CD177: variants seen among roughly 807,000 people sequenced by gnomAD.
The protein encoded by CD177 is CD177 molecule, also known as CD177 antigen.
A neutral mutation model predicts 38.1 loss-of-function variants in CD177; 41 were observed. The observed-to-expected ratio is 1.07, with a 90% CI of 0.84 to 1.39. The LOEUF (loss-of-function observed/expected upper bound fraction) is 1.39. CD177 is among the 40% of genes most tolerant of loss of function. CD177 has a pLI of 0.00. For missense variants in CD177, 619 were observed against 523.8 expected, an observed-to-expected ratio of 1.18 and a Z score of -1.77; for synonymous variants, 236 against 216.7, an observed-to-expected ratio of 1.09 and a Z score of -0.78.
At chr19:43,355,868 G>A in intron 4 of CD177, 85 bp downstream of exon 4, 2 of 1,583,924 alleles carry the variant, frequency 1.3e-6, no homozygotes, top group Non-Finnish European at 1.7e-6. Flanking sequence ...AGTGAGGTGA[G>A]CTGAGGCACG....
Position 43,362,528 on chromosome 19 carries a change from C to A in CD177, c.*208C>A, listed in dbSNP as rs138190417. 2 of 465,182 alleles carry A rather than the reference C, an allele frequency of 4.3e-6. No individual in the cohort carries two copies. The highest frequency in any genetic ancestry group is 7.6e-6 in the Non-Finnish European group (2 of 262,578). The allele number at this position is 465,182 out of a possible 1,614,324, so 28.8% of individuals were successfully genotyped here. On this transcript the variant is annotated 3_prime_UTR_variant, in exon 9 of 9. Transcript: ENST00000618265. ...CGGACTTGCCCTATGGGAGAGGGGA[C>A]GCTGGAGGAGTGGCTGCATGTATCT...
In CD177 at chr19:43,360,197, C is replaced by G. The variant is rs553612533; in HGVS notation, c.620-68C>G. ...TCAAGAGTGTGATCACCTTCCCTAG[C>G]CCAGGACGTGGAGGGACAGACATGG... On this transcript the variant is annotated intron_variant, in intron 5 of 8. Coordinates refer to ENST00000618265, the MANE Select transcript of CD177 (RefSeq NM_020406.4). The G allele has an allele frequency of 2.6e-6, 4 of 1,558,014 alleles. No individual in the cohort carries two copies. The South Asian group carries it at 4.8e-5, about 19-fold the overall frequency.
rs192304328 is a variant in CD177, at chr19:43,363,153, A to G, written c.*833A>G. 1 of 152,328 alleles carries G rather than the reference A, an allele frequency of 6.6e-6. No homozygotes were observed. The highest frequency in any genetic ancestry group is 1.9e-4 in the East Asian group (1 of 5,180). The allele number at this position is 152,328 out of a possible 1,614,324, so 9.4% of individuals were successfully genotyped here. ...CATAGAAAAGGTACAGCATAAATACACTATTGTCATCTCAGCAGACCACCG... is the reference window on the plus strand; with the variant it reads ...CATAGAAAAGGTACAGCATAAATACGCTATTGTCATCTCAGCAGACCACCG... On this transcript the variant is annotated 3_prime_UTR_variant, in exon 9 of 9. Coordinates refer to ENST00000618265, the MANE Select transcript of CD177 (RefSeq NM_020406.4).
At chr19:43,353,816 G>C in intron 1 of CD177, 37 bp from the exon 2 acceptor site, 3 of 1,613,724 alleles carry the variant, frequency 1.9e-6, no homozygotes, top group Non-Finnish European at 2.5e-6. Context: ...CCGGGCAAGG[G>C]AACCCTGCTG....
In CD177 at chr19:43,354,354, T is replaced by A. The variant is rs755945780; in HGVS notation, c.341T>A (p.Val114Asp). ...CAGGAGGACTTCTGCAACAACCTCGTTAACTCCCTCCCGCTTTGGGCCCCA... is the reference window on the plus strand; with the variant it reads ...CAGGAGGACTTCTGCAACAACCTCGATAACTCCCTCCCGCTTTGGGCCCCA... ...CRQEDFCNNLVNSLPLWAPQP... is the reference protein window; with the variant it reads ...CRQEDFCNNLDNSLPLWAPQP... The change falls in exon 3 of 9, where the codon GTT becomes GAT. Residue 114 changes from valine (V) to aspartate (D), a missense_variant. By Grantham distance (152) the Val-to-Asp change is radical. Transcript: ENST00000618265. The A allele has an allele frequency of 3.9e-5, 63 of 1,613,774 alleles. No individual in the cohort carries two copies. The highest frequency in any genetic ancestry group is 5.1e-5 in the Non-Finnish European group (60 of 1,179,872).
Position 43,362,167 on chromosome 19 carries a change from C to A in CD177, c.1161C>A (p.Ile387=). The A allele has an allele frequency of 1.2e-6, 2 of 1,613,702 alleles. No homozygotes were observed. The highest frequency in any genetic ancestry group is 1.7e-6 in the Non-Finnish European group (2 of 1,179,764). Residue 387 remains isoleucine (I), a synonymous_variant, in exon 9 of 9, where the codon ATC becomes ATA. Coordinates refer to ENST00000618265, the MANE Select transcript of CD177 (RefSeq NM_020406.4). ...SSFLLNHTRQ[I]GIFSAREKRD... ...TCTTGTTGAACCACACCAGACAAAT[C>A]GGGATCTTCTCTGCGCGTGAGAAGC...
intron 3 of CD177, among the ~76,000 whole-genome samples, chr19:43,355,087 AC>A (rs1214752595): frequency 2.4e-4 from 7 of 29,356 alleles, no homozygotes; most frequent in Admixed American, 1.3e-3. Flanking sequence ...CACCCAAGAC[AC>A]CCCCCCTTTT....
downstream of CD177, among the ~76,000 whole-genome samples, chr19:43,365,764 C>T (rs1970021232): frequency 6.6e-6 from 1 of 151,578 alleles, no homozygotes; most frequent in Admixed American, 6.6e-5. Context: ...CTTTCCTCCT[C>T]TGTATGAGGT....
At chr19:43,354,485 GCTCGCTATCCCGACC>G (rs1969894364) in intron 3 of CD177, 93 bp downstream of exon 3, 4 of 1,357,526 alleles carry the variant, frequency 2.9e-6, no homozygotes, top group Admixed American at 1.8e-5. Context: ...TCCCACCCTC[GCTCGCTATCCCGACC>G]CTCGCTGGCT....
intron 3 of CD177, chr19:43,354,614 C>T (rs1334513896): frequency 5.0e-6 from 3 of 600,018 alleles, no homozygotes; most frequent in African/African-American, 3.7e-5. Flanking sequence ...ACCCGGGAAT[C>T]CCCGCACCCC....
intron 8 of CD177, 151 bp from the exon 9 acceptor site, chr19:43,361,937 C>T: frequency 3.1e-6 from 2 of 636,380 alleles, no homozygotes; most frequent in Admixed American, 3.0e-5. Flanking sequence ...GGAGGAGGGG[C>T]TGGGGGCCTG....
chr19:43,356,110 T>C lies in CD177; in HGVS notation c.619+2T>C. 1 of 572,366 alleles carries C rather than the reference T, an allele frequency of 1.7e-6. No homozygotes were observed. The allele number at this position is 572,366 out of a possible 1,614,324, so 35.5% of individuals were successfully genotyped here. On this transcript the variant is annotated splice_donor_variant, in intron 5 of 8. Coordinates refer to ENST00000618265, the MANE Select transcript of CD177 (RefSeq NM_020406.4). LOFTEE classifies it high-confidence loss of function. The stretch of plus-strand genomic sequence containing the variant: ...TGACTGAGAACTGCGATATGAAAGG[T>C]GAGTCCTGCCCCTAGGCTGTGCCCT...
downstream of CD177, among the ~76,000 whole-genome samples, chr19:43,364,517 C>T (rs1030225994): frequency 3.3e-5 from 5 of 150,540 alleles, no homozygotes; most frequent in African/African-American, 1.2e-4. Flanking sequence ...CTCCTTGTCC[C>T]AGCCACCCGA....
intron 6 of CD177, 195 bp downstream of exon 6, chr19:43,360,600 T>G: frequency 1.6e-6 from 1 of 612,434 alleles, no homozygotes; most frequent in Non-Finnish European, 2.8e-6. Context: ...TGACAGTGTC[T>G]GCCTTTCTGG....
Position 43,362,089 on chromosome 19 carries a change from TGG to T in CD177, c.1085_1086del (p.Gly362AlafsTer32). ...YDGYIHLSGG[G>X]LSTKMSIQGC... ...TCTGACTTGGTCTTCTCCCTCTAGG[TGG>T]GCTGTCCACCAAAATGAGCATTCAG... is the stretch of plus-strand genomic sequence containing the variant. On this transcript the variant is annotated frameshift_variant and splice_region_variant, in exon 9 of 9. Coordinates refer to ENST00000618265, the MANE Select transcript of CD177 (RefSeq NM_020406.4). LOFTEE classifies it low-confidence loss of function (END_TRUNC). 1 of 1,613,428 alleles carries T rather than the reference TGG, an allele frequency of 6.2e-7. No individual in the cohort carries two copies. Among genetic ancestry groups the T allele is most frequent in the Non-Finnish European group, 8.5e-7 (1 of 1,179,500 alleles).
rs1969941571 is a variant in CD177, at chr19:43,360,256, T to C, written c.620-9T>C. The C allele has an allele frequency of 6.2e-7, 1 of 1,612,404 alleles. No homozygotes were observed. Among genetic ancestry groups the C allele is most frequent in the Non-Finnish European group, 8.5e-7 (1 of 1,179,328 alleles). On this transcript the variant is annotated splice_polypyrimidine_tract_variant and intron_variant, in intron 5 of 8. Transcript: ENST00000618265. ...TGGCTTACACACACCCTGGGATTCC[T>C]CTCCCCAGATTTTCTGACCTGTCAT...
At chr19:43,354,714 T>C (rs1969898662) in intron 3 of CD177, among the ~76,000 whole-genome samples, 1 of 152,200 alleles carries the variant, frequency 6.6e-6, no homozygotes, top group Non-Finnish European at 1.5e-5. Flanking sequence ...CTGTTGCGTT[T>C]GGTTCAAGAA....
chr19:43,360,902 C>G (rs1969952934), intron 6 of CD177: 1 of 599,232 alleles, frequency 1.7e-6, no homozygotes. Context: ...AAGCTCAGTG[C>G]TCAGGGGAGA....
rs1216938258 is a variant in CD177, at chr19:43,353,767, G to C, written c.52+1G>C. ...CTGGGGTTCATCCTCCCACTGCCAG[G>C]TGAGTGATGAGCCCAGCCTGGAGGA... is the stretch of plus-strand genomic sequence containing the variant. On this transcript the variant is annotated splice_donor_variant, in intron 1 of 8. Coordinates refer to ENST00000618265, the MANE Select transcript of CD177 (RefSeq NM_020406.4). LOFTEE classifies it high-confidence loss of function. 4 of 1,613,834 alleles carry C rather than the reference G, an allele frequency of 2.5e-6. No homozygotes were observed. The highest frequency in any genetic ancestry group is 3.4e-6 in the Non-Finnish European group (4 of 1,179,880).
Sources: gnomAD v4.1 joint callset for allele counts (sites outside exome capture counted in the v4.1 genomes callset) on GRCh38, gnomAD v4.1.1 for gene constraint, MANE v1.5 for transcripts, NCBI Gene and HGNC (gene_info 2026-07-23, HGNC 2026-07-21) for gene names.